KRTAP5-5: variants seen among roughly 807,000 people sequenced by gnomAD.
KRTAP5-5 encodes keratin associated protein 5-5, also known as keratin-associated protein 5-5.
A neutral mutation model predicts 2.8 loss-of-function variants in KRTAP5-5; 1 was observed. That is an observed-to-expected ratio of 0.35 (90% CI 0.13 to 1.67). The LOEUF is 1.67. Ranked by LOEUF, KRTAP5-5 falls within the 40% of genes most tolerant of loss-of-function variation. The pLI is 0.35. For missense variants in KRTAP5-5, 134 were observed against 270.9 expected (o/e 0.49, Z 3.55); for synonymous variants, 83 against 110.6 (o/e 0.75, Z 1.57).
At chr11:1,629,980 G>T in exon 1 of KRTAP5-5, 1 of 615,580 alleles carries the variant, frequency 1.6e-6, no homozygotes, top group Non-Finnish European at 2.3e-6. Flanking sequence ...GGCTGTGGGG[G>T]CTGTGGCTCC....
exon 1 of KRTAP5-5, chr11:1,630,677 C>T (rs1323186926): frequency 1.1e-5 from 15 of 1,333,536 alleles, no homozygotes; most frequent in Non-Finnish European, 1.6e-5. Flanking sequence ...ATCCACTCCA[C>T]ACCAGTGCTC....
At chr11:1,630,091 G>A in exon 1 of KRTAP5-5, 3 of 1,611,562 alleles carry the variant, frequency 1.9e-6, no homozygotes, top group South Asian at 1.1e-5. Context: ...TGCTCCAGCT[G>A]TGGCAAAGGG....
At chr11:1,630,643 C>A in exon 1 of KRTAP5-5, 1 of 1,535,804 alleles carries the variant, frequency 6.5e-7, no homozygotes, top group Non-Finnish European at 9.0e-7. Flanking sequence ...GCTCCACTGT[C>A]TCCACTGTGT....
Position 1,630,359 on chromosome 11 carries a change from CTGCCAGTCCAGCTGCTGTAAGCCTTACT to C in KRTAP5-5, c.520_547del (p.Cys174AlafsTer68). ...GCTCCTCAGGCTGTGGGTCATCCTG[CTGCCAGTCCAGCTGCTGTAAGCCTTACT>C]GCTGCCAGTCCAGCTGCTGTAAGCC... On this transcript the variant is annotated frameshift_variant, in exon 1 of 1. Coordinates refer to ENST00000399676, the Ensembl canonical transcript of KRTAP5-5. LOFTEE classifies it low-confidence loss of function (END_TRUNC). 1 of 1,317,538 alleles carries C rather than the reference CTGCCAGTCCAGCTGCTGTAAGCCTTACT, an allele frequency of 7.6e-7. No homozygotes were observed. The highest frequency in any genetic ancestry group is 2.2e-5 in the African/African-American group (1 of 46,170). The allele number at this position is 1,317,538 out of a possible 1,614,324, so 81.6% of individuals were successfully genotyped here. A position where few individuals can be genotyped will look rare whatever the true frequency, so the allele number is the denominator to read the frequency against.
chr11:1,630,700 G>A, exon 1 of KRTAP5-5: 2 of 1,070,340 alleles, frequency 1.9e-6, no homozygotes, highest in Non-Finnish European at 1.4e-6. Context: ...GAAACTGACT[G>A]AGGACCCCTT....
At chr11:1,630,475 G>A (rs751231399) in exon 1 of KRTAP5-5, 11 of 1,611,060 alleles carry the variant, frequency 6.8e-6, no homozygotes, top group South Asian at 3.3e-5. Flanking sequence ...GGATCATCCT[G>A]CTGCCAATCC....
At chr11:1,630,855 C>T (rs1849752475), downstream of KRTAP5-5, 2 of 568,550 alleles carry the variant, frequency 3.5e-6, no homozygotes, top group East Asian at 3.0e-5. Context: ...GTGTGATCGA[C>T]CCTCAATCTC....
At position 1,630,596 on chromosome 11, in the gene KRTAP5-5, C is replaced by G. The variant is rs753209090; in HGVS notation, c.*42C>G. 6 of 1,612,000 alleles carry G rather than the reference C, an allele frequency of 3.7e-6. No individual in the cohort carries two copies. In the South Asian group the frequency reaches 5.5e-5, roughly 15 times the overall value. ...TGCAGGTGGCCTGACTGGTGAAGGG[C>G]CCGGCTGCCCAGCTTCCTTGCCCTG... On this transcript the variant is annotated 3_prime_UTR_variant, in exon 1 of 1. Transcript: ENST00000399676.
chr11:1,629,972 C>CCG lies in KRTAP5-5; in HGVS notation c.132_133insCG (p.Cys45ArgfsTer207), dbSNP rs1849725786. ...GGGGCTGTGGCTCCGGCTGTGGAGG[C>CCG]TGTGGGGGCTGTGGCTCCGGCTGTG... On this transcript the variant is annotated frameshift_variant, in exon 1 of 1. Transcript: ENST00000399676. LOFTEE classifies it low-confidence loss of function (END_TRUNC). 4.9e-6 allele frequency: 3 copies of CCG among 617,734 alleles called. No homozygotes were observed. The highest frequency in any genetic ancestry group is 6.8e-6 in the Non-Finnish European group (3 of 439,386). The allele number at this position is 617,734 out of a possible 1,614,324, so 38.3% of individuals were successfully genotyped here. A position where few individuals can be genotyped will look rare whatever the true frequency, so the allele number is the denominator to read the frequency against.
chr11:1,630,711 C>A, downstream of KRTAP5-5: 1 of 969,742 alleles, frequency 1.0e-6, no homozygotes, highest in Non-Finnish European at 1.6e-6. Context: ...AGGACCCCTT[C>A]TGGCTCATTG....
chr11:1,630,696 G>A, exon 1 of KRTAP5-5: 1 of 1,098,772 alleles, frequency 9.1e-7, no homozygotes, highest in Non-Finnish European at 1.3e-6. Context: ...TCCCGAAACT[G>A]ACTGAGGACC....
At chr11:1,630,722 C>A, downstream of KRTAP5-5, 2 of 872,658 alleles carry the variant, frequency 2.3e-6, no homozygotes, top group Non-Finnish European at 3.6e-6. Context: ...TGGCTCATTG[C>A]CTACTACTTC....
At chr11:1,630,930 A>C (rs918284449), downstream of KRTAP5-5, among the ~76,000 whole-genome samples, 1 of 152,120 alleles carries the variant, frequency 6.6e-6, no homozygotes, top group African/African-American at 2.4e-5. Flanking sequence ...CTAAGCACAA[A>C]GCTCACTGTC....
exon 1 of KRTAP5-5, chr11:1,630,341 A>C (rs1849741246): frequency 3.1e-6 from 5 of 1,608,998 alleles, no homozygotes; most frequent in African/African-American, 1.4e-5. Context: ...GCTGCTCCTC[A>C]GGCTGTGGGT....
downstream of KRTAP5-5, chr11:1,630,724 T>A: frequency 3.4e-6 from 3 of 869,954 alleles, no homozygotes; most frequent in Non-Finnish European, 5.4e-6. Context: ...GCTCATTGCC[T>A]ACTACTTCTC....
chr11:1,630,049 A>G (rs1233439997), exon 1 of KRTAP5-5: 2 of 1,606,324 alleles, frequency 1.2e-6, no homozygotes, highest in South Asian at 2.2e-5. Flanking sequence ...TGCTGCTGCA[A>G]GCCCATGTGC....
rs1373428778 is a variant in KRTAP5-5 at position 1,630,457 on chromosome 11, C to T, written c.617C>T (p.Ser206Leu). ...TGCTGTAAGCCCTGTAGCTGCTTCT[C>T]AGGCTGTGGATCATCCTGCTGCCAA... The change falls in exon 1 of 1, where the codon TCA becomes TTA. Residue 206 changes from serine (S) to leucine (L), a missense_variant. Transcript: ENST00000399676. 1.2e-6 allele frequency: 2 copies of T among 1,607,364 alleles called. No homozygotes were observed. The highest frequency in any genetic ancestry group is 2.2e-5 in the South Asian group (2 of 90,170).
rs77602976 is a variant in KRTAP5-5, at chr11:1,630,169, G to T, written c.329G>T (p.Gly110Val). The T allele has an allele frequency of 2.5e-5, 35 of 1,415,630 alleles. No homozygotes were observed. The East Asian group carries it at 3.7e-4, about 15-fold the overall frequency. 87.7% of individuals were successfully genotyped at this position (1,415,630 alleles called of 1,614,324 possible). A position where few individuals can be genotyped will look rare whatever the true frequency, so the allele number is the denominator to read the frequency against. The change falls in exon 1 of 1, where the codon GGC (glycine) becomes GTC (valine). Residue 110 changes from glycine to valine, a missense_variant. Gly to Val is a moderately radical substitution (Grantham distance 109). Coordinates refer to ENST00000399676, the Ensembl canonical transcript of KRTAP5-5. Reference sequence around the variant, plus strand: ...TGTGGGGTGTCCAAGGGGGCCTGTGGCTCCTGTGGGGGGTCCAAGGGGGGC... The same window carrying T: ...TGTGGGGTGTCCAAGGGGGCCTGTGTCTCCTGTGGGGGGTCCAAGGGGGGC...
chr11:1,630,707 C>T, exon 1 of KRTAP5-5: 1 of 1,003,092 alleles, frequency 1.0e-6, no homozygotes, highest in Non-Finnish European at 1.5e-6. Context: ...ACTGAGGACC[C>T]CTTCTGGCTC....
Sources: gnomAD v4.1 joint callset for allele counts (sites outside exome capture counted in the v4.1 genomes callset) on GRCh38, gnomAD v4.1.1 for gene constraint, MANE v1.5 for transcripts, NCBI Gene and HGNC (gene_info 2026-07-23, HGNC 2026-07-21) for gene names.